Variants in EXTL3 observed in about 807,000 individuals in gnomAD.
The protein encoded by EXTL3 is exostosin like glycosyltransferase 3.
A neutral mutation model predicts 69.3 loss-of-function variants in EXTL3; 27 were observed. The ratio of observed to expected loss-of-function variants is 0.39; its 90% CI spans 0.29 to 0.54. EXTL3 has a LOEUF of 0.54. Among genes scored for constraint, EXTL3 ranks in the 20% least tolerant of loss-of-function variants. The probability of loss-of-function intolerance (pLI) is 0.69; values close to 1 mark genes in which losing one functional copy is unlikely to be tolerated. For synonymous variants in EXTL3, 511 were observed against 499.4 expected, an observed-to-expected ratio of 1.02 and a Z score of -0.31; for missense variants, 1,003 against 1,231.8, an observed-to-expected ratio of 0.81 and a Z score of 2.78.
chr8:28,744,279 G>A (rs560022700), intron 6 of EXTL3, among the ~76,000 whole-genome samples: 22 of 152,188 alleles, frequency 1.4e-4, no homozygotes, highest in African/African-American at 5.3e-4. Flanking sequence ...AACTAATGAG[G>A]TCTTATTTTC....
chr8:28,737,651 C>A lies in EXTL3; in HGVS notation c.2409C>A (p.Ala803=). The change falls in exon 5 of 7, where the codon GCC becomes GCA. Residue 803 remains alanine, a synonymous_variant. Transcript: ENST00000220562. ...TGTCCATGGTGCTGACAGGTGCTGC[C>A]TTCTTTCACAAGGTAAGAAAAAGCT... ...CELSMVLTGA[A]FFHKYYAYLY... is the part of the protein sequence containing the mutation. 6.2e-7 allele frequency: 1 copy of A among 1,614,164 alleles called. No individual in the cohort carries two copies. Among genetic ancestry groups the A allele is most frequent in the African/African-American group, 1.3e-5 (1 of 75,062 alleles).
intron 1 of EXTL3, among the ~76,000 whole-genome samples, chr8:28,624,518 A>AC (rs976662793): frequency 1.6e-4 from 24 of 152,208 alleles, no homozygotes; most frequent in African/African-American, 5.8e-4. Flanking sequence ...AACTGAGACC[A>AC]CCCCACTGCA....
chr8:28,662,929 C>T (rs1023546163), intron 1 of EXTL3, among the ~76,000 whole-genome samples: 1 of 152,012 alleles, frequency 6.6e-6, no homozygotes, highest in Non-Finnish European at 1.5e-5. Flanking sequence ...TGCACTCTAG[C>T]CTGGAAGACA....
intron 1 of EXTL3, among the ~76,000 whole-genome samples, chr8:28,663,801 A>T (rs181619748): frequency 6.6e-6 from 1 of 152,192 alleles, no homozygotes; most frequent in East Asian, 1.9e-4. Context: ...TTTACAAGAC[A>T]GCGTTCTCAA....
intron 1 of EXTL3, among the ~76,000 whole-genome samples, chr8:28,658,628 T>G (rs1207396861): frequency 6.6e-6 from 1 of 152,164 alleles, no homozygotes; most frequent in African/African-American, 2.4e-5. Context: ...TCGCCCAGGC[T>G]GGAGTGCAGT....
chr8:28,747,795 C>T lies in EXTL3; in HGVS notation c.2551-2862C>T, dbSNP rs377189268. On this transcript the variant is annotated intron_variant, in intron 6 of 6. Transcript: ENST00000220562. ...CCAGGCTGCAGTGCAGTGGCACGAT[C>T]TCAGGTCACTGCAACCTCTGCCTCC... Among the ~76,000 whole-genome samples, 5 of 143,006 alleles carry T rather than the reference C, an allele frequency of 3.5e-5. No homozygotes were observed. In the East Asian group the frequency reaches 1.0e-3, roughly 29 times the overall value. 93.8% of individuals were successfully genotyped at this position (143,006 alleles called of 152,430 possible).
At chr8:28,688,608 A>C (rs1800562656) in intron 1 of EXTL3, among the ~76,000 whole-genome samples, 1 of 152,226 alleles carries the variant, frequency 6.6e-6, no homozygotes, top group South Asian at 2.1e-4. Flanking sequence ...TAGTGGAACA[A>C]GGATTCAAAT....
intron 1 of EXTL3, among the ~76,000 whole-genome samples, chr8:28,712,847 G>C (rs1018891398): frequency 6.6e-6 from 1 of 152,168 alleles, no homozygotes; most frequent in Non-Finnish European, 1.5e-5. Flanking sequence ...AGAAATATTA[G>C]ACTAACTATA....
At chr8:28,652,486 A>G (rs926735104) in intron 1 of EXTL3, among the ~76,000 whole-genome samples, 9 of 151,454 alleles carry the variant, frequency 5.9e-5, no homozygotes, top group Non-Finnish European at 1.0e-4. Context: ...GGGAGGCCCC[A>G]TAGCTACAAA....
chr8:28,634,293 G>T (rs78179565), intron 1 of EXTL3, among the ~76,000 whole-genome samples: 4,114 of 152,202 alleles, frequency 0.027, 161 homozygotes, highest in African/African-American at 0.085. Flanking sequence ...GTTCTTCATT[G>T]TTCTTAAGCC....
At chr8:28,652,958 CCA>C (rs1290172569) in intron 1 of EXTL3, among the ~76,000 whole-genome samples, 1 of 152,046 alleles carries the variant, frequency 6.6e-6, no homozygotes, top group Non-Finnish European at 1.5e-5. Flanking sequence ...ATAGGCTGAC[CCA>C]CATTCAACAT....
chr8:28,698,550 AT>A (rs1800720423), upstream of EXTL3: 1 of 152,240 alleles, frequency 6.6e-6, no homozygotes, highest in South Asian at 2.1e-4. Context: ...GAAAGTATAT[AT>A]TAATAGGGTG....
intron 3 of EXTL3, among the ~76,000 whole-genome samples, chr8:28,729,406 C>T (rs1801485363): frequency 6.7e-6 from 1 of 149,494 alleles, no homozygotes; most frequent in South Asian, 2.1e-4. Flanking sequence ...ACCAGCCTGG[C>T]CAAGATGGTG....
rs1802018014 is a variant in EXTL3 at position 28,752,005 on chromosome 8, C to A, written c.*1139C>A. On this transcript the variant is annotated 3_prime_UTR_variant, in exon 7 of 7. Coordinates refer to ENST00000220562, the MANE Select transcript of EXTL3 (RefSeq NM_001440.4). Reference sequence around the variant, plus strand: ...TAATTCCTTGGTGAAATTCACCTTCCCCCCGCCTCTGTCTGGAGCCCCATC... The same window carrying A: ...TAATTCCTTGGTGAAATTCACCTTCACCCCGCCTCTGTCTGGAGCCCCATC... 1 of 152,320 alleles carries A rather than the reference C, an allele frequency of 6.6e-6. No homozygotes were observed. Among genetic ancestry groups the A allele is most frequent in the Non-Finnish European group, 1.5e-5 (1 of 68,134 alleles). The allele number at this position is 152,320 out of a possible 1,614,324, so 9.4% of individuals were successfully genotyped here. A position where few individuals can be genotyped will look rare whatever the true frequency, so the allele number is the denominator to read the frequency against.
intron 2 of EXTL3, among the ~76,000 whole-genome samples, chr8:28,608,639 G>A (rs982826846): frequency 1.3e-5 from 2 of 151,966 alleles, no homozygotes; most frequent in African/African-American, 2.4e-5. Context: ...GAAGCGGGGG[G>A]ATCACTTGAG....
intron 1 of EXTL3, among the ~76,000 whole-genome samples, chr8:28,630,442 C>A (rs6989870): frequency 6.6e-6 from 1 of 151,786 alleles, no homozygotes; most frequent in African/African-American, 2.4e-5. Context: ...TCTGCTTGCT[C>A]CCAGGAGAGT....
chr8:28,684,009 C>A (rs1308243224), intron 1 of EXTL3, among the ~76,000 whole-genome samples: 1 of 152,168 alleles, frequency 6.6e-6, no homozygotes, highest in African/African-American at 2.4e-5. Flanking sequence ...TTAGCTCCCA[C>A]AAATACGTGA....
intron 1 of EXTL3, among the ~76,000 whole-genome samples, chr8:28,641,534 T>C (rs1378053747): frequency 6.6e-6 from 1 of 152,218 alleles, no homozygotes; most frequent in African/African-American, 2.4e-5. Context: ...TGGAGTGCAG[T>C]GGCATAATCT....
chr8:28,643,426 C>CTTTTTT (rs138680672), intron 1 of EXTL3, among the ~76,000 whole-genome samples: 1 of 143,978 alleles, frequency 6.9e-6, no homozygotes, highest in Non-Finnish European at 1.5e-5. Context: ...TTCTTTTTTT[C>CTTTTTT]TTTTTTGAGA....
Sources: gnomAD v4.1 joint callset for allele counts (sites outside exome capture counted in the v4.1 genomes callset) on GRCh38, gnomAD v4.1.1 for gene constraint, MANE v1.5 for transcripts, NCBI Gene and HGNC (gene_info 2026-07-23, HGNC 2026-07-21) for gene names.